The following ADRA1B variants were observed in gnomAD, a reference collection of about 807,000 sequenced individuals.
ADRA1B encodes the protein alpha-1B adrenergic receptor.
In ADRA1B, 17 loss-of-function variants were observed where a neutral mutation model predicts 17.9. The ratio of observed to expected loss-of-function variants is 0.95; its 90% CI spans 0.65 to 1.42. ADRA1B has a LOEUF of 1.42. Among genes scored for constraint, ADRA1B ranks in the 40% most tolerant of loss-of-function variants. The probability of loss-of-function intolerance (pLI) is 0.00; values close to 1 mark genes in which losing one functional copy is unlikely to be tolerated. For missense variants in ADRA1B, 681 were observed against 722.1 expected (o/e 0.94, Z 0.65); for synonymous variants, 366 against 327.6 (o/e 1.12, Z -1.27).
upstream of ADRA1B, among the ~76,000 whole-genome samples, chr5:159,912,798 A>G (rs1210397084): frequency 6.6e-6 from 1 of 152,234 alleles, no homozygotes; most frequent in Non-Finnish European, 1.5e-5. Context: ...ATGCACATAG[A>G]TTGCCTAACA....
chr5:159,951,064 G>T, intron 1 of ADRA1B: 2 of 717,430 alleles, frequency 2.8e-6, no homozygotes, highest in Non-Finnish European at 5.2e-6. Flanking sequence ...CATAGCTGAC[G>T]ATATTGAGTC....
chr5:159,865,258 A>T (rs1455835386), intron 1 of ADRA1B: 1 of 152,176 alleles, frequency 6.6e-6, no homozygotes, highest in African/African-American at 2.4e-5. Context: ...CCACTTTGGA[A>T]ATGTTTGGGT....
At chr5:159,976,487 T>C (rs1263014395), downstream of ADRA1B, among the ~76,000 whole-genome samples, 2 of 152,032 alleles carry the variant, frequency 1.3e-5, no homozygotes, top group East Asian at 1.9e-4. Flanking sequence ...GGCCTACATG[T>C]GAAACCCTGT....
At chr5:159,956,899 G>T (rs1400807867) in intron 1 of ADRA1B, among the ~76,000 whole-genome samples, 1 of 151,956 alleles carries the variant, frequency 6.6e-6, no homozygotes, top group Non-Finnish European at 1.5e-5. Flanking sequence ...CTGAGACAGG[G>T]TCTTGCTCTG....
chr5:159,940,961 T>A (rs1340257415), intron 1 of ADRA1B, among the ~76,000 whole-genome samples: 1 of 152,212 alleles, frequency 6.6e-6, no homozygotes, highest in African/African-American at 2.4e-5. Flanking sequence ...AATTCTGATT[T>A]AACGCATCAC....
intron 1 of ADRA1B, chr5:159,955,153 A>C (rs1377137763): frequency 1.0e-6 from 1 of 985,308 alleles, no homozygotes; most frequent in Non-Finnish European, 1.2e-6. Context: ...TCTGGTGAGA[A>C]GACAAGACAC....
At position 159,943,733 on chromosome 5, in the gene ADRA1B, A is replaced by G. The variant is rs1342498830; in HGVS notation, c.949+25879A>G. On this transcript the variant is annotated intron_variant, in intron 1 of 1. Transcript: ENST00000306675. ...TTTGCTTTTCATTTGATTTTTTCCCAATCTTTTCTTCCTCAGATCATAGGA... is the reference window on the plus strand; with the variant it reads ...TTTGCTTTTCATTTGATTTTTTCCCGATCTTTTCTTCCTCAGATCATAGGA... 2.0e-5 allele frequency among the ~76,000 whole-genome samples: 3 copies of G among 152,048 alleles called. 1 individual carries two copies. Among genetic ancestry groups the G allele is most frequent in the Non-Finnish European group, 4.4e-5 (3 of 68,022 alleles).
At chr5:159,973,808 T>C (rs566505030), downstream of ADRA1B, among the ~76,000 whole-genome samples, 1 of 152,184 alleles carries the variant, frequency 6.6e-6, no homozygotes, top group Non-Finnish European at 1.5e-5. Flanking sequence ...TCCCCATCTG[T>C]GTAATGGTGG....
At chr5:159,895,963 T>A (rs762283200) in intron 1 of ADRA1B, among the ~76,000 whole-genome samples, 1 of 152,190 alleles carries the variant, frequency 6.6e-6, no homozygotes, top group Non-Finnish European at 1.5e-5. Context: ...ATCTCTTCTG[T>A]CTCATTCACC....
intron 1 of ADRA1B, among the ~76,000 whole-genome samples, chr5:159,946,723 G>A (rs960558006): frequency 2.0e-5 from 3 of 152,200 alleles, no homozygotes; most frequent in Admixed American, 1.3e-4. Context: ...TATTGAATAT[G>A]CTTAGATTCT....
intron 1 of ADRA1B, among the ~76,000 whole-genome samples, chr5:159,909,679 G>A (rs7726095): frequency 0.076 from 11,569 of 152,194 alleles, 564 homozygotes; most frequent in East Asian, 0.25. Flanking sequence ...AAGGAAGGCC[G>A]GCATCAATTC....
At chr5:159,879,365 C>A (rs529822569) in intron 1 of ADRA1B, among the ~76,000 whole-genome samples, 1 of 152,152 alleles carries the variant, frequency 6.6e-6, no homozygotes, top group African/African-American at 2.4e-5. Context: ...GCAACAGGCG[C>A]CTGCCTGTAA....
chr5:159,931,503 C>T (rs556244784), intron 1 of ADRA1B, among the ~76,000 whole-genome samples: 5 of 151,810 alleles, frequency 3.3e-5, no homozygotes, highest in South Asian at 2.1e-4. Context: ...ATTTTTTATT[C>T]GTTTCAAAAT....
At chr5:159,923,693 G>A (rs1159876756) in intron 1 of ADRA1B, among the ~76,000 whole-genome samples, 11 of 152,274 alleles carry the variant, frequency 7.2e-5, no homozygotes, top group Admixed American at 7.2e-4. Flanking sequence ...GGGGCTGTGA[G>A]CAACAGCAAA....
chr5:159,878,121 T>C (rs1753821151), intron 1 of ADRA1B, among the ~76,000 whole-genome samples: 1 of 152,218 alleles, frequency 6.6e-6, no homozygotes, highest in Admixed American at 6.5e-5. Context: ...CGAGGCAGTC[T>C]CAGGCAGCTC....
intron 1 of ADRA1B, among the ~76,000 whole-genome samples, chr5:159,930,715 T>C (rs532982016): frequency 6.7e-6 from 1 of 149,458 alleles, no homozygotes; most frequent in Non-Finnish European, 1.5e-5. Context: ...TATTTATTAG[T>C]TTAGTTACCT....
At chr5:159,865,093 G>T (rs575200539) in exon 1 of ADRA1B, 1 of 152,286 alleles carries the variant, frequency 6.6e-6, no homozygotes, top group African/African-American at 2.4e-5. Flanking sequence ...GACATTCCTG[G>T]ACATTGCTGG....
chr5:159,874,317 A>C (rs541847691), intron 1 of ADRA1B, among the ~76,000 whole-genome samples: 57 of 152,312 alleles, frequency 3.7e-4, no homozygotes, highest in Non-Finnish European at 7.5e-4. Context: ...CTTCAAAATG[A>C]AATAAATTCC....
chr5:159,974,302 A>C (rs1171657575), downstream of ADRA1B, among the ~76,000 whole-genome samples: 1 of 152,184 alleles, frequency 6.6e-6, no homozygotes, highest in Non-Finnish European at 1.5e-5. Flanking sequence ...CCAAAAGGAG[A>C]AACAAGATTG....
Sources: allele counts gnomAD v4.1 joint callset (sites outside exome capture counted in the v4.1 genomes callset), GRCh38; gene constraint gnomAD v4.1.1; transcripts MANE v1.5; gene names NCBI Gene and HGNC (gene_info 2026-07-23, HGNC 2026-07-21).